TBL1XR1: variants seen among roughly 807,000 people sequenced by gnomAD.
TBL1XR1 encodes F-box-like/WD repeat-containing protein TBL1XR1.
TBL1XR1 carries 5 observed loss-of-function variants against 66.9 expected under a neutral mutation model. That is an observed-to-expected ratio of 0.07 (90% CI 0.04 to 0.16). The LOEUF is 0.16. Ranked by LOEUF, TBL1XR1 falls within the 10% of genes least tolerant of loss-of-function variation. The pLI is 1.00. For missense variants in TBL1XR1, 238 were observed against 623.2 expected (o/e 0.38, Z 6.58); for synonymous variants, 210 against 206.0 (o/e 1.02, Z -0.17).
At chr3:177,155,339 GAAA>G (rs1198387215) in intron 1 of TBL1XR1, among the ~76,000 whole-genome samples, 1 of 151,894 alleles carries the variant, frequency 6.6e-6, no homozygotes, top group Admixed American at 6.6e-5. Context: ...TGTGAATTAT[GAAA>G]AATAAAAAAA....
chr3:177,162,058 A>C (rs987743812), intron 1 of TBL1XR1, among the ~76,000 whole-genome samples: 2 of 152,242 alleles, frequency 1.3e-5, no homozygotes, highest in African/African-American at 4.8e-5. Flanking sequence ...AGCAGTTTCT[A>C]AAGTTAAACA....
In TBL1XR1 at chr3:177,032,957, T is replaced by C. The variant is rs144060569; in HGVS notation, c.1416+14A>G. The C allele has an allele frequency of 2.1e-3, 3,272 of 1,533,390 alleles. 55 individuals carry two copies. In the African/African-American group the frequency reaches 0.037, roughly 17 times the overall value. The allele number at this position is 1,533,390 out of a possible 1,614,324, so 95.0% of individuals were successfully genotyped here. ...ATTTAAGAGCACTTGACCATTTAAA[T>C]AATGAAGACATACCTGCGTGTTCCA... On this transcript the variant is annotated intron_variant, in intron 14 of 15. Coordinates refer to ENST00000457928, the MANE Select transcript of TBL1XR1 (RefSeq NM_024665.7).
rs547855766 is a variant in TBL1XR1, at chr3:177,168,560, G to C, written c.-122+28561C>G. 2.1e-4 allele frequency among the ~76,000 whole-genome samples: 32 copies of C among 152,240 alleles called. No individual in the cohort carries two copies. In the East Asian group the frequency reaches 4.0e-3, roughly 19 times the overall value. Reference sequence around the variant, plus strand: ...GCCTCCCAAAGTGCTGGGATTACAGGGGTGAGCTACCACGTCCGGCCATGA... The same window carrying C: ...GCCTCCCAAAGTGCTGGGATTACAGCGGTGAGCTACCACGTCCGGCCATGA... On this transcript the variant is annotated intron_variant, in intron 1 of 15. Transcript: ENST00000457928.
At chr3:177,094,146 T>C (rs1040638478) in intron 2 of TBL1XR1, among the ~76,000 whole-genome samples, 2 of 151,118 alleles carry the variant, frequency 1.3e-5, no homozygotes, top group Non-Finnish European at 3.0e-5. Flanking sequence ...AAACAAATAA[T>C]CCTATAAAAA....
chr3:177,177,268 G>A (rs950066652), intron 1 of TBL1XR1, among the ~76,000 whole-genome samples: 8 of 152,156 alleles, frequency 5.3e-5, no homozygotes, highest in East Asian at 1.9e-4. Context: ...TGACCAACAC[G>A]GTGAAACCCC....
chr3:177,101,649 G>A (rs1560176493), intron 1 of TBL1XR1, among the ~76,000 whole-genome samples: 1 of 152,132 alleles, frequency 6.6e-6, no homozygotes, highest in Non-Finnish European at 1.5e-5. Context: ...CTTCCCACAG[G>A]CGGCCCCTCA....
chr3:177,073,157 A>G (rs1378423206), intron 2 of TBL1XR1, among the ~76,000 whole-genome samples: 1 of 152,240 alleles, frequency 6.6e-6, no homozygotes, highest in African/African-American at 2.4e-5. Flanking sequence ...CCACATAAAC[A>G]AAAGCTCTTT....
At chr3:177,187,967 T>G (rs1735651395) in intron 1 of TBL1XR1, among the ~76,000 whole-genome samples, 1 of 142,486 alleles carries the variant, frequency 7.0e-6, no homozygotes, top group Non-Finnish European at 1.5e-5. Context: ...TTTTTTTTTT[T>G]GAGATGGAGT....
At chr3:177,039,728 C>T (rs1190008827) in intron 10 of TBL1XR1, among the ~76,000 whole-genome samples, 1 of 152,108 alleles carries the variant, frequency 6.6e-6, no homozygotes, top group African/African-American at 2.4e-5. Flanking sequence ...CAGGGGTTGA[C>T]AAACTATGGC....
At chr3:177,045,186 T>C (rs1223152896) in intron 10 of TBL1XR1, among the ~76,000 whole-genome samples, 1 of 152,180 alleles carries the variant, frequency 6.6e-6, no homozygotes, top group Non-Finnish European at 1.5e-5. Flanking sequence ...AAGTTGATGC[T>C]GTGCCACTGG....
At chr3:177,048,550 CAAG>C (rs1325496117) in intron 7 of TBL1XR1, among the ~76,000 whole-genome samples, 2 of 152,128 alleles carry the variant, frequency 1.3e-5, no homozygotes, top group East Asian at 1.9e-4. Context: ...GGCTCTGTCT[CAAG>C]AAGAAGGGGA....
chr3:177,085,896 T>C (rs1402255505), intron 2 of TBL1XR1, among the ~76,000 whole-genome samples: 1 of 152,144 alleles, frequency 6.6e-6, no homozygotes, highest in African/African-American at 2.4e-5. Flanking sequence ...ACACAAAATT[T>C]AAAAGAATGC....
chr3:177,123,635 T>C (rs1235076584), intron 1 of TBL1XR1, among the ~76,000 whole-genome samples: 1 of 152,080 alleles, frequency 6.6e-6, no homozygotes, highest in Non-Finnish European at 1.5e-5. Context: ...AGCTAAAAGA[T>C]TCTCAAAATA....
At chr3:177,147,525 G>GA (rs1333042283) in intron 1 of TBL1XR1, among the ~76,000 whole-genome samples, 1 of 152,202 alleles carries the variant, frequency 6.6e-6, no homozygotes, top group Non-Finnish European at 1.5e-5. Flanking sequence ...GTTTTACTCT[G>GA]AAAGGGTCTT....
At chr3:177,114,224 TAC>T (rs2108735247) in intron 1 of TBL1XR1, among the ~76,000 whole-genome samples, 1 of 151,778 alleles carries the variant, frequency 6.6e-6, no homozygotes, top group African/African-American at 2.4e-5. Flanking sequence ...ATCATATATA[TAC>T]ATACACATCA....
At chr3:177,170,756 C>CACCA (rs1261872559) in intron 1 of TBL1XR1, among the ~76,000 whole-genome samples, 2 of 152,056 alleles carry the variant, frequency 1.3e-5, no homozygotes, top group Non-Finnish European at 2.9e-5. Context: ...AGGCATGCAC[C>CACCA]ACCATGCCCA....
intron 1 of TBL1XR1, among the ~76,000 whole-genome samples, chr3:177,118,408 C>CGTGACCACGG (rs1726568664): frequency 6.6e-6 from 1 of 152,116 alleles, no homozygotes; most frequent in Admixed American, 6.6e-5. Context: ...CTCATCAAAG[C>CGTGACCACGG]TAAAAGTGTG....
rs1402164341 is a variant in TBL1XR1 at position 177,197,470 on chromosome 3, A to G, written c.-471T>C. ...GGTAAAAGCTGTTACTAAGGGAAAGAGCCAAACGGTTCGGAGCAGCCAACG... is the reference window on the plus strand; with the variant it reads ...GGTAAAAGCTGTTACTAAGGGAAAGGGCCAAACGGTTCGGAGCAGCCAACG... On this transcript the variant is annotated 5_prime_UTR_variant, in exon 1 of 16. Transcript: ENST00000457928. The G allele has an allele frequency of 6.8e-6, 1 of 146,226 alleles. No individual in the cohort carries two copies. Among genetic ancestry groups the G allele is most frequent in the Admixed American group, 6.8e-5 (1 of 14,692 alleles). The allele number at this position is 146,226 out of a possible 1,614,324, so 9.1% of individuals were successfully genotyped here.
At chr3:177,132,631 A>C (rs539040076) in intron 1 of TBL1XR1, among the ~76,000 whole-genome samples, 57 of 152,328 alleles carry the variant, frequency 3.7e-4, no homozygotes, top group Non-Finnish European at 6.3e-4. Flanking sequence ...TAGAGACAAA[A>C]TGGGATTAGA....
Sources: gnomAD v4.1 joint callset for allele counts (sites outside exome capture counted in the v4.1 genomes callset) on GRCh38, gnomAD v4.1.1 for gene constraint, MANE v1.5 for transcripts, NCBI Gene and HGNC (gene_info 2026-07-23, HGNC 2026-07-21) for gene names.